The following PLCH2 variants were observed in gnomAD, a reference collection of about 807,000 sequenced individuals.
The protein encoded by PLCH2 is phospholipase C eta 2.
In PLCH2, 98 loss-of-function variants were observed where a neutral mutation model predicts 134.7. That is an observed-to-expected ratio of 0.73 (90% CI 0.62 to 0.86). The LOEUF (loss-of-function observed/expected upper bound fraction) is 0.86, where lower values mean the gene tolerates loss of function less well. Among genes scored for constraint, PLCH2 ranks in the 40% least tolerant of loss-of-function variants. The pLI, the probability that PLCH2 is intolerant of heterozygous loss-of-function variation, is 0.00. For synonymous variants in PLCH2, 974 were observed against 827.5 expected (o/e 1.18, Z -3.04); for missense variants, 1,994 against 1,986.6 (o/e 1.00, Z -0.07).
chr1:2,497,439 T>C, intron 15 of PLCH2, 63 bp from the exon 16 acceptor site: 2 of 955,136 alleles, frequency 2.1e-6, no homozygotes, highest in Non-Finnish European at 3.0e-6. Flanking sequence ...TGGTGGTGGG[T>C]GGGCGGGGCA....
intron 1 of PLCH2, among the ~76,000 whole-genome samples, chr1:2,426,468 G>C (rs1380212142): frequency 6.6e-6 from 1 of 152,186 alleles, no homozygotes; most frequent in Admixed American, 6.5e-5. Flanking sequence ...GCAGCCTCCT[G>C]AGTCCCCATG....
chr1:2,476,280 G>A (rs528280088), upstream of PLCH2: 3 of 291,210 alleles, frequency 1.0e-5, no homozygotes, highest in East Asian at 5.9e-5. Flanking sequence ...GGGGCTGGGC[G>A]GGGCTGAGGT....
At chr1:2,475,362 T>C (rs549229699), upstream of PLCH2, among the ~76,000 whole-genome samples, 1 of 152,288 alleles carries the variant, frequency 6.6e-6, no homozygotes, top group African/African-American at 2.4e-5. Context: ...AGGGCGGGGT[T>C]CTCCCCAGTG....
chr1:2,491,689 G>T (rs1642591312), intron 11 of PLCH2, among the ~76,000 whole-genome samples: 1 of 152,272 alleles, frequency 6.6e-6, no homozygotes, highest in African/African-American at 2.4e-5. Flanking sequence ...TGGAGTGTGT[G>T]TGGGGTGAGA....
At chr1:2,472,444 AG>A (rs1315390925), upstream of PLCH2, among the ~76,000 whole-genome samples, 3 of 152,068 alleles carry the variant, frequency 2.0e-5, no homozygotes, top group Non-Finnish European at 4.4e-5. Flanking sequence ...TGCGAGGGGC[AG>A]GGGGGCGCGG....
At chr1:2,438,179 C>A (rs1201728247) in intron 2 of PLCH2, among the ~76,000 whole-genome samples, 1 of 152,238 alleles carries the variant, frequency 6.6e-6, no homozygotes, top group African/African-American at 2.4e-5. Context: ...CTGTTGGCAG[C>A]CGTGGAAATG....
Position 2,504,143 on chromosome 1 carries a change from G to T in PLCH2, c.3181G>T (p.Gly1061Cys). 1 of 1,520,814 alleles carries T rather than the reference G, an allele frequency of 6.6e-7. No homozygotes were observed. The highest frequency in any genetic ancestry group is 1.2e-5 in the South Asian group (1 of 81,198). The allele number at this position is 1,520,814 out of a possible 1,614,324, so 94.2% of individuals were successfully genotyped here. A position where few individuals can be genotyped will look rare whatever the true frequency, so the allele number is the denominator to read the frequency against. Residue 1061 changes from glycine to cysteine, a missense_variant, in exon 22 of 22, where the codon GGC becomes TGC. Gly to Cys is a radical substitution (Grantham distance 159, BLOSUM62 -3). This residue lies in a region of PLCH2 where 900 missense variants were observed against 752.3 expected (regional missense o/e 1.20). Coordinates refer to ENST00000378486, the MANE Select transcript of PLCH2 (RefSeq NM_014638.4). ...PRDSRPRPCN[G>C]EGAGGAYERA... The stretch of plus-strand genomic sequence containing the variant: ...AGACAGCAGGCCTCGGCCGTGCAAC[G>T]GCGAGGGCGCCGGCGGGGCATACGA...
chr1:2,488,773 C>A (rs1642410396), intron 8 of PLCH2, among the ~76,000 whole-genome samples: 1 of 152,202 alleles, frequency 6.6e-6, no homozygotes, highest in Non-Finnish European at 1.5e-5. Context: ...TGTCAGGACC[C>A]CAGGGCCATT....
At chr1:2,429,404 G>A (rs1441800346) in intron 1 of PLCH2, among the ~76,000 whole-genome samples, 2 of 152,182 alleles carry the variant, frequency 1.3e-5, no homozygotes, top group African/African-American at 4.8e-5. Context: ...TCACCTCCCT[G>A]AGGGGCAGGC....
chr1:2,456,591 C>T (rs978264481), intron 2 of PLCH2, among the ~76,000 whole-genome samples: 4 of 152,218 alleles, frequency 2.6e-5, no homozygotes, highest in Non-Finnish European at 5.9e-5. Flanking sequence ...CCGTCGACCC[C>T]TTGGGGTTGG....
chr1:2,422,725 T>C (rs2100461923), upstream of PLCH2, among the ~76,000 whole-genome samples: 1 of 152,322 alleles, frequency 6.6e-6, no homozygotes, highest in African/African-American at 2.4e-5. Flanking sequence ...TTGCCCAGGC[T>C]GGAGTGCAGT....
intron 16 of PLCH2, 30 bp downstream of exon 16, chr1:2,497,639 CGCTCAGGGCTCGGAT>C (rs112900525): frequency 4.6e-5 from 66 of 1,445,772 alleles, no homozygotes; most frequent in African/African-American, 4.2e-4. Context: ...AGGGCTCGGA[CGCTCAGGGCTCGGAT>C]GGGCCTCCTG....
intron 2 of PLCH2, among the ~76,000 whole-genome samples, chr1:2,453,732 G>A (rs1418998170): frequency 6.6e-6 from 1 of 152,222 alleles, no homozygotes; most frequent in Non-Finnish European, 1.5e-5. Flanking sequence ...TGGGGTCCTT[G>A]TTCCTGTGTG....
rs555232377 is a variant in PLCH2 at position 2,427,562 on chromosome 1, A to G, written c.-178+1525A>G. 1.7e-3 allele frequency among the ~76,000 whole-genome samples: 260 copies of G among 152,300 alleles called. 3 individuals carry two copies. The highest frequency in any genetic ancestry group is 6.0e-3 in the African/African-American group (248 of 41,544). ...GAGGCTCCCACTTCTACCTGCCCTCAGGGGGCTTCCTGAGCCAGGGGATAC... is the reference window on the plus strand; with the variant it reads ...GAGGCTCCCACTTCTACCTGCCCTCGGGGGGCTTCCTGAGCCAGGGGATAC... On this transcript the variant is annotated intron_variant, in intron 1 of 3. Coordinates refer to the PLCH2 transcript ENST00000609981.
At chr1:2,424,789 C>T (rs1211681936), upstream of PLCH2, among the ~76,000 whole-genome samples, 4 of 152,180 alleles carry the variant, frequency 2.6e-5, no homozygotes, top group Admixed American at 6.5e-5. Context: ...AGATCGAGAC[C>T]ATCCTGGCTA....
At chr1:2,479,676 C>T in intron 2 of PLCH2, 58 bp from the exon 3 acceptor site, 2 of 1,493,778 alleles carry the variant, frequency 1.3e-6, no homozygotes, top group Admixed American at 2.0e-5. Flanking sequence ...TTGGGGCTGC[C>T]AGCAGGGGGA....
At chr1:2,440,538 A>C (rs1167193624) in intron 2 of PLCH2, among the ~76,000 whole-genome samples, 1 of 119,000 alleles carries the variant, frequency 8.4e-6, no homozygotes, top group African/African-American at 3.7e-5. Flanking sequence ...TCCTCTCTCC[A>C]TGTCTGTCGC....
intron 21 of PLCH2, chr1:2,503,018 C>T (rs1242628683): frequency 1.4e-6 from 1 of 714,808 alleles, no homozygotes; most frequent in Non-Finnish European, 2.6e-6. Flanking sequence ...TGTGCTCGTG[C>T]TCGTGGCTCT....
chr1:2,425,264 CACAT>C (rs1570186013), upstream of PLCH2, among the ~76,000 whole-genome samples: 5 of 143,536 alleles, frequency 3.5e-5, no homozygotes, highest in African/African-American at 1.2e-4. Context: ...CATACATACA[CACAT>C]ATACACACAC....
Sources: gnomAD v4.1 joint callset for allele counts (sites outside exome capture counted in the v4.1 genomes callset) on GRCh38, gnomAD v4.1.1 for gene constraint, gnomAD v4.1.1 regional missense constraint, MANE v1.5 for transcripts, NCBI Gene and HGNC (gene_info 2026-07-23, HGNC 2026-07-21) for gene names.